The following FAF1 variants were observed in gnomAD, a reference collection of about 807,000 sequenced individuals.
The protein encoded by FAF1 is Fas associated factor 1, also known as FAS-associated factor 1.
A neutral mutation model predicts 92.5 loss-of-function variants in FAF1; 25 were observed. That is an observed-to-expected ratio of 0.27 (90% CI 0.20 to 0.38). The LOEUF is 0.38. FAF1 is among the 10% of genes least tolerant of loss of function. The pLI is 1.00. For missense variants in FAF1, 636 were observed against 793.3 expected (o/e 0.80, Z 2.38); for synonymous variants, 234 against 273.2 (o/e 0.86, Z 1.42).
At chr1:50,919,590 C>T (rs748094230) in intron 1 of FAF1, among the ~76,000 whole-genome samples, 23 of 151,418 alleles carry the variant, frequency 1.5e-4, no homozygotes, top group Non-Finnish European at 3.2e-4. Context: ...CGGGTTCAAG[C>T]GATTCTCCTG....
At chr1:50,638,777 G>C (rs573800025) in intron 8 of FAF1, among the ~76,000 whole-genome samples, 1 of 152,208 alleles carries the variant, frequency 6.6e-6, no homozygotes, top group South Asian at 2.1e-4. Flanking sequence ...CCTTCTATCA[G>C]GCTGGGGAAA....
intron 8 of FAF1, among the ~76,000 whole-genome samples, chr1:50,617,782 G>A (rs1652996682): frequency 6.7e-6 from 1 of 150,172 alleles, no homozygotes; most frequent in Admixed American, 6.6e-5. Context: ...GACTCCATCT[G>A]GTCCAGTGCT....
At chr1:50,858,331 T>C (rs375305944) in intron 1 of FAF1, among the ~76,000 whole-genome samples, 24 of 151,800 alleles carry the variant, frequency 1.6e-4, no homozygotes, top group African/African-American at 5.3e-4. Flanking sequence ...GTAAAACAAA[T>C]GAATTTCAAC....
chr1:50,708,432 T>C (rs993152450), intron 6 of FAF1, among the ~76,000 whole-genome samples: 4 of 151,946 alleles, frequency 2.6e-5, no homozygotes, highest in African/African-American at 4.8e-5. Context: ...AGTGGAGTAG[T>C]GGCAGGTGAG....
chr1:50,556,475 A>G (rs142319609), intron 13 of FAF1, among the ~76,000 whole-genome samples: 513 of 152,196 alleles, frequency 3.4e-3, no homozygotes, highest in Non-Finnish European at 5.7e-3. Flanking sequence ...AAAAACTCAG[A>G]TTTCACCACT....
chr1:50,439,397 A>G lies in FAF1; in HGVS notation c.*2043T>C, dbSNP rs1303832934. 6.6e-6 allele frequency: 1 copy of G among 152,212 alleles called. No individual in the cohort carries two copies. The highest frequency in any genetic ancestry group is 1.5e-5 in the Non-Finnish European group (1 of 68,040). 9.4% of individuals were successfully genotyped at this position (152,212 alleles called of 1,614,324 possible). A position where few individuals can be genotyped will look rare whatever the true frequency, so the allele number is the denominator to read the frequency against. The stretch of plus-strand genomic sequence containing the variant: ...ATCATGGGGCTGAGTAGGCCAAAAG[A>G]ACTTTCTAAGGCAGGTTGAAAAAGG... On this transcript the variant is annotated 3_prime_UTR_variant, in exon 19 of 19. Coordinates refer to ENST00000396153, the MANE Select transcript of FAF1 (RefSeq NM_007051.3).
At chr1:50,548,616 C>A (rs545595963) in intron 13 of FAF1, among the ~76,000 whole-genome samples, 1 of 152,180 alleles carries the variant, frequency 6.6e-6, no homozygotes, top group Non-Finnish European at 1.5e-5. Context: ...CCTCCACAGG[C>A]CACTTGAACC....
chr1:50,693,555 TAA>T (rs1370183771), intron 7 of FAF1, among the ~76,000 whole-genome samples: 2 of 152,168 alleles, frequency 1.3e-5, no homozygotes, highest in Non-Finnish European at 2.9e-5. Flanking sequence ...TATGTATATA[TAA>T]TTTACTTTTA....
At chr1:50,565,989 TAAC>T (rs1336428884) in intron 13 of FAF1, among the ~76,000 whole-genome samples, 7 of 152,212 alleles carry the variant, frequency 4.6e-5, no homozygotes, top group African/African-American at 1.7e-4. Flanking sequence ...GTGTGAATAA[TAAC>T]CTGATTTAAT....
In FAF1 at chr1:50,870,514, C is replaced by G. The variant is rs551928953; in HGVS notation, c.46-12517G>C. Among the ~76,000 whole-genome samples the G allele has an allele frequency of 7.2e-5, 11 of 152,306 alleles. No homozygotes were observed. The South Asian group carries it at 2.3e-3, about 32-fold the overall frequency. On this transcript the variant is annotated intron_variant, in intron 1 of 18. Transcript: ENST00000396153. ...TATGGCATCCCTGCATCGAGCAAGT[C>G]CATCAGAACCATTTTTCCAATAGTA...
intron 4 of FAF1, among the ~76,000 whole-genome samples, chr1:50,755,326 G>A (rs1395070703): frequency 6.6e-6 from 1 of 152,196 alleles, no homozygotes; most frequent in Non-Finnish European, 1.5e-5. Context: ...AAATCCAGCA[G>A]GGCAGTCAAA....
intron 8 of FAF1, among the ~76,000 whole-genome samples, chr1:50,610,813 T>C (rs1032049774): frequency 6.6e-6 from 1 of 152,176 alleles, no homozygotes. Context: ...CAAATTAGCA[T>C]TGTACCAAGG....
chr1:50,811,353 A>T (rs1643907450), intron 2 of FAF1, among the ~76,000 whole-genome samples: 1 of 152,122 alleles, frequency 6.6e-6, no homozygotes, highest in Admixed American at 6.5e-5. Flanking sequence ...AACAACAGCA[A>T]AAACAACAAG....
At chr1:50,763,763 A>G (rs1660454061) in intron 4 of FAF1, among the ~76,000 whole-genome samples, 1 of 152,242 alleles carries the variant, frequency 6.6e-6, no homozygotes, top group Non-Finnish European at 1.5e-5. Context: ...ATCATAGCAA[A>G]GTGAACCAAT....
chr1:50,917,254 T>C (rs376174853), intron 1 of FAF1, among the ~76,000 whole-genome samples: 1 of 152,144 alleles, frequency 6.6e-6, no homozygotes, highest in African/African-American at 2.4e-5. Context: ...ACTGCAATCA[T>C]CTATTTGCAG....
intron 1 of FAF1, among the ~76,000 whole-genome samples, chr1:50,958,707 A>G (rs1232405659): frequency 6.6e-6 from 1 of 151,982 alleles, no homozygotes; most frequent in Non-Finnish European, 1.5e-5. Flanking sequence ...TTAATTTTAA[A>G]AAAAATAAGG....
At chr1:50,859,681 A>G (rs1468138691) in intron 1 of FAF1, among the ~76,000 whole-genome samples, 3 of 152,056 alleles carry the variant, frequency 2.0e-5, no homozygotes, top group African/African-American at 4.8e-5. Context: ...ACACTGCCCA[A>G]TGCAATCCAG....
At chr1:50,715,959 C>T (rs747954937) in intron 6 of FAF1, among the ~76,000 whole-genome samples, 1 of 152,082 alleles carries the variant, frequency 6.6e-6, no homozygotes. Flanking sequence ...ATAAAATCAT[C>T]AACAACACAA....
chr1:50,617,705 T>C (rs1244085487), intron 8 of FAF1, among the ~76,000 whole-genome samples: 1 of 151,526 alleles, frequency 6.6e-6, no homozygotes, highest in Non-Finnish European at 1.5e-5. Flanking sequence ...TTTTTTTTTT[T>C]TTTTTTTAAT....
Sources: gnomAD v4.1 joint callset for allele counts (sites outside exome capture counted in the v4.1 genomes callset) on GRCh38, gnomAD v4.1.1 for gene constraint, MANE v1.5 for transcripts, NCBI Gene and HGNC (gene_info 2026-07-23, HGNC 2026-07-21) for gene names.